Variants in FBXL17 observed in about 807,000 individuals in gnomAD.
FBXL17 encodes F-box/LRR-repeat protein 17.
In FBXL17, 22 loss-of-function variants were observed where a neutral mutation model predicts 66.2. The ratio of observed to expected loss-of-function variants is 0.33; its 90% CI spans 0.24 to 0.47. FBXL17 has a LOEUF of 0.47. FBXL17 is among the 20% of genes least tolerant of loss of function. The pLI is 1.00. For synonymous variants in FBXL17, 474 were observed against 400.5 expected, an observed-to-expected ratio of 1.18 and a Z score of -2.19; for missense variants, 878 against 948.2, an observed-to-expected ratio of 0.93 and a Z score of 0.97.
chr5:107,880,068 G>GT (rs528902437), intron 8 of FBXL17: 96 of 295,804 alleles, frequency 3.2e-4, no homozygotes, highest in African/African-American at 8.2e-4. Flanking sequence ...TCCAGTATAG[G>GT]TTTTTTTTGT....
At chr5:108,032,792 G>T (rs56108486) in intron 6 of FBXL17, among the ~76,000 whole-genome samples, 3 of 152,008 alleles carry the variant, frequency 2.0e-5, no homozygotes, top group African/African-American at 4.8e-5. Flanking sequence ...ACAAGGTTGA[G>T]GTAATTTTTT....
intron 7 of FBXL17, among the ~76,000 whole-genome samples, chr5:107,961,054 G>A (rs1049740899): frequency 1.3e-5 from 2 of 152,076 alleles, no homozygotes; most frequent in African/African-American, 4.8e-5. Flanking sequence ...AAAGTGATAC[G>A]GAGAAGCAGG....
intron 1 of FBXL17, among the ~76,000 whole-genome samples, chr5:108,378,382 G>C (rs1283030545): frequency 1.3e-5 from 2 of 151,944 alleles, no homozygotes; most frequent in African/African-American, 4.8e-5. Flanking sequence ...TAACTTCCTA[G>C]CATAAAAGAT....
In FBXL17 at chr5:107,864,904, CT is replaced by C. The variant is rs900361818; in HGVS notation, c.1966-3045del. On this transcript the variant is annotated intron_variant, in intron 8 of 8. Transcript: ENST00000542267. The stretch of plus-strand genomic sequence containing the variant: ...ATACATCACTGCCAGGAAATTTTTC[CT>C]TTTTTTTAACAGATGTTCCCCATGC... Among the ~76,000 whole-genome samples, 176 of 152,110 alleles carry C rather than the reference CT, an allele frequency of 1.2e-3. 2 individuals are homozygous for C. The highest frequency in any genetic ancestry group is 4.1e-4 in the Non-Finnish European group (28 of 67,970).
chr5:108,283,719 G>A (rs985454807), intron 4 of FBXL17, among the ~76,000 whole-genome samples: 1 of 151,720 alleles, frequency 6.6e-6, no homozygotes, highest in Non-Finnish European at 1.5e-5. Context: ...CATGGCAAAA[G>A]GGGTAATAAA....
At chr5:107,888,537 C>A (rs1455514521) in intron 7 of FBXL17, among the ~76,000 whole-genome samples, 1 of 152,174 alleles carries the variant, frequency 6.6e-6, no homozygotes, top group Non-Finnish European at 1.5e-5. Flanking sequence ...ATTCTCCCAA[C>A]AAGGATAATC....
intron 7 of FBXL17, among the ~76,000 whole-genome samples, chr5:107,975,859 T>TG (rs200132591): frequency 0.26 from 21,424 of 83,076 alleles, 1,319 homozygotes; most frequent in East Asian, 0.46. Context: ...TTGTTGTTGT[T>TG]TTTTTTTTTT....
At chr5:108,336,200 A>G (rs1016223278) in intron 4 of FBXL17, among the ~76,000 whole-genome samples, 1 of 152,202 alleles carries the variant, frequency 6.6e-6, no homozygotes, top group Non-Finnish European at 1.5e-5. Context: ...TATTTTTTAA[A>G]AAACACTTGC....
At chr5:108,274,243 A>C (rs1296751076) in intron 4 of FBXL17, among the ~76,000 whole-genome samples, 2 of 152,146 alleles carry the variant, frequency 1.3e-5, no homozygotes, top group East Asian at 1.9e-4. Context: ...ACTGGAGTCT[A>C]TCTCACCTCT....
intron 4 of FBXL17, chr5:108,299,211 T>G: frequency 1.0e-6 from 1 of 985,214 alleles, no homozygotes; most frequent in Non-Finnish European, 1.2e-6. Flanking sequence ...TATACCTTTA[T>G]GACATACATA....
At chr5:107,969,066 G>T (rs1327253276) in intron 7 of FBXL17, among the ~76,000 whole-genome samples, 4 of 152,076 alleles carry the variant, frequency 2.6e-5, no homozygotes, top group African/African-American at 4.8e-5. Flanking sequence ...CTGGAAATCA[G>T]CCATGTTCAT....
intron 4 of FBXL17, among the ~76,000 whole-genome samples, chr5:108,311,141 A>G (rs1759097429): frequency 6.6e-6 from 1 of 151,906 alleles, no homozygotes; most frequent in South Asian, 2.1e-4. Flanking sequence ...CAACCTACCT[A>G]GCCTTCTCTC....
At chr5:108,086,701 G>A (rs1276460713) in intron 6 of FBXL17, among the ~76,000 whole-genome samples, 1 of 152,080 alleles carries the variant, frequency 6.6e-6, no homozygotes, top group African/African-American at 2.4e-5. Context: ...TGTGATTACA[G>A]GCGCATATGC....
chr5:107,862,760 T>C (rs4957725), intron 8 of FBXL17, among the ~76,000 whole-genome samples: 152,227 of 152,248 alleles, frequency 1, 76,103 homozygotes, highest in Non-Finnish European at 1. Flanking sequence ...TTGAGCACAC[T>C]TCTTGATGTC....
chr5:108,245,632 A>G (rs1756060868), intron 4 of FBXL17, among the ~76,000 whole-genome samples: 2 of 152,226 alleles, frequency 1.3e-5, no homozygotes, highest in South Asian at 2.1e-4. Flanking sequence ...TCCACCATCC[A>G]TCGTAACTCA....
At position 108,186,245 on chromosome 5, in the gene FBXL17, T is replaced by G; in HGVS notation, c.1617A>C (p.Leu539=). ...TSKGVIHLTK[L]RNLSSLDLRH... The stretch of plus-strand genomic sequence containing the variant: ...GTAGGTCCAAGCTGGAAAGGTTTCT[T>G]AGCTAATGAGATAAATAAAATGAAA... Residue 539 remains leucine (L), a splice_region_variant and synonymous_variant, in exon 6 of 9, where the codon CTA becomes CTC. Transcript: ENST00000542267. The G allele has an allele frequency of 6.2e-7, 1 of 1,608,740 alleles. No individual in the cohort carries two copies.
At chr5:108,000,643 T>C (rs1753686448) in intron 7 of FBXL17, among the ~76,000 whole-genome samples, 1 of 152,252 alleles carries the variant, frequency 6.6e-6, no homozygotes, top group Non-Finnish European at 1.5e-5. Flanking sequence ...TCTTCAACTT[T>C]CTATTAAGAT....
intron 7 of FBXL17, among the ~76,000 whole-genome samples, chr5:107,882,250 C>T (rs1748815496): frequency 1.3e-5 from 2 of 152,126 alleles, no homozygotes; most frequent in Non-Finnish European, 2.9e-5. Flanking sequence ...AATGTGTTGA[C>T]TAGATGGATA....
intron 5 of FBXL17, among the ~76,000 whole-genome samples, chr5:108,193,083 T>C (rs1011298398): frequency 1.3e-5 from 2 of 152,206 alleles, no homozygotes. Flanking sequence ...AGTACCTAAA[T>C]TAGTTCTTGC....
Sources: allele counts gnomAD v4.1 joint callset (sites outside exome capture counted in the v4.1 genomes callset), GRCh38; gene constraint gnomAD v4.1.1; transcripts MANE v1.5; gene names NCBI Gene and HGNC (gene_info 2026-07-23, HGNC 2026-07-21).